The following PRDM16 variants were observed in gnomAD, a reference collection of about 807,000 sequenced individuals.
PRDM16 encodes the protein histone-lysine N-methyltransferase PRDM16.
A neutral mutation model predicts 110.6 loss-of-function variants in PRDM16; 23 were observed. The ratio of observed to expected loss-of-function variants is 0.21; its 90% CI spans 0.15 to 0.29. PRDM16 has a LOEUF of 0.29. Ranked by LOEUF, PRDM16 falls within the 10% of genes least tolerant of loss-of-function variation. The pLI, the probability that PRDM16 is intolerant of heterozygous loss-of-function variation, is 1.00. For synonymous variants in PRDM16, 799 were observed against 781.8 expected (o/e 1.02, Z -0.37); for missense variants, 1,615 against 1,794.3 (o/e 0.90, Z 1.81).
intron 2 of PRDM16, among the ~76,000 whole-genome samples, chr1:3,212,024 C>T (rs1210273207): frequency 6.6e-6 from 1 of 152,186 alleles, no homozygotes; most frequent in East Asian, 1.9e-4. Context: ...TGGATTAATC[C>T]TCGCGTCGTC....
At chr1:3,134,388 G>A (rs1454264146) in intron 1 of PRDM16, among the ~76,000 whole-genome samples, 1 of 152,268 alleles carries the variant, frequency 6.6e-6, no homozygotes, top group Non-Finnish European at 1.5e-5. Context: ...ACGGGCATGG[G>A]CTGGGCGGGG....
intron 3 of PRDM16, among the ~76,000 whole-genome samples, chr1:3,314,284 G>T (rs939452070): frequency 1.3e-5 from 2 of 152,144 alleles, no homozygotes; most frequent in Non-Finnish European, 2.9e-5. Context: ...GCATCACTCT[G>T]GGTGGCTCCT....
At chr1:3,150,430 G>A (rs372544733) in intron 1 of PRDM16, among the ~76,000 whole-genome samples, 25 of 151,244 alleles carry the variant, frequency 1.7e-4, no homozygotes, top group African/African-American at 3.9e-4. Context: ...GTGGTGGCCC[G>A]TGCCTGTAGT....
rs1313661100 is a variant in PRDM16, at chr1:3,108,047, T to C, written c.37+38751T>C. Among the ~76,000 whole-genome samples the C allele has an allele frequency of 3.3e-5, 5 of 152,220 alleles. No homozygotes were observed. In the South Asian group the frequency reaches 1.0e-3, roughly 32 times the overall value. On this transcript the variant is annotated intron_variant, in intron 1 of 16. Transcript: ENST00000270722. ...CCAGGCCATGCCAAACTGATTCCTT[T>C]CTCCAGACAAACCTTGAGTTGGGAG...
At chr1:3,077,212 C>T (rs566615235) in intron 1 of PRDM16, among the ~76,000 whole-genome samples, 21 of 152,314 alleles carry the variant, frequency 1.4e-4, no homozygotes, top group East Asian at 7.7e-4. Flanking sequence ...AGGCTGCTGG[C>T]GAGGTCTCCC....
chr1:3,100,483 A>G (rs1339374099), intron 1 of PRDM16, among the ~76,000 whole-genome samples: 1 of 151,856 alleles, frequency 6.6e-6, no homozygotes, highest in Non-Finnish European at 1.5e-5. Flanking sequence ...GCTGCTCTCT[A>G]TGGAGCCCCT....
At chr1:3,283,283 C>T (rs975970751) in intron 3 of PRDM16, among the ~76,000 whole-genome samples, 3 of 152,208 alleles carry the variant, frequency 2.0e-5, no homozygotes, top group African/African-American at 7.2e-5. Context: ...CTGTCCAGGC[C>T]TTGGCCAGGG....
rs56699922 is a variant in PRDM16, at chr1:3,089,468, C to T, written c.37+20172C>T. Among the ~76,000 whole-genome samples the T allele has an allele frequency of 6.3e-3, 958 of 152,342 alleles. 8 individuals carry two copies. The highest frequency in any genetic ancestry group is 0.022 in the African/African-American group (894 of 41,560). ...AGAGCTGGTTAGCAGGAGGCGGAAGCGGGTGGAAACTTCTCAGAGCACAGT... is the reference window on the plus strand; with the variant it reads ...AGAGCTGGTTAGCAGGAGGCGGAAGTGGGTGGAAACTTCTCAGAGCACAGT... On this transcript the variant is annotated intron_variant, in intron 1 of 16. Coordinates refer to ENST00000270722, the MANE Select transcript of PRDM16 (RefSeq NM_022114.4).
At chr1:3,298,513 G>GC (rs1219889937) in intron 3 of PRDM16, among the ~76,000 whole-genome samples, 2 of 152,202 alleles carry the variant, frequency 1.3e-5, no homozygotes, top group Non-Finnish European at 2.9e-5. Context: ...CCACCCCCCG[G>GC]CCCGGAGAGG....
intron 3 of PRDM16, among the ~76,000 whole-genome samples, chr1:3,342,633 C>T (rs1642293530): frequency 6.6e-6 from 1 of 152,202 alleles, no homozygotes; most frequent in Non-Finnish European, 1.5e-5. Context: ...CTCCTGGTCT[C>T]TTCCAGTCAA....
Position 3,181,899 on chromosome 1 carries a change from C to T in PRDM16, c.38-4226C>T, listed in dbSNP as rs61759176. Among the ~76,000 whole-genome samples, 273 of 84,294 alleles carry T rather than the reference C, an allele frequency of 3.2e-3. 4 individuals are homozygous for T. The highest frequency in any genetic ancestry group is 9.4e-3 in the African/African-American group (254 of 26,928). 55.3% of individuals were successfully genotyped at this position (84,294 alleles called of 152,430 possible). The stretch of plus-strand genomic sequence containing the variant: ...GGTCTTGCACACGCAGTCTTACACA[C>T]GGTCTTACACACGCAGTCTTACACA... On this transcript the variant is annotated intron_variant, in intron 1 of 16. Coordinates refer to ENST00000270722, the MANE Select transcript of PRDM16 (RefSeq NM_022114.4).
intron 3 of PRDM16, among the ~76,000 whole-genome samples, chr1:3,312,212 C>G (rs565352255): frequency 1.3e-5 from 2 of 152,362 alleles, no homozygotes; most frequent in South Asian, 4.1e-4. Flanking sequence ...ATCTCGGGCC[C>G]TCAGTGGACA....
chr1:3,368,817 T>C (rs1477712194), intron 3 of PRDM16, among the ~76,000 whole-genome samples: 1 of 152,162 alleles, frequency 6.6e-6, no homozygotes, highest in Admixed American at 6.5e-5. Flanking sequence ...CCCATCTTTG[T>C]CTTTTTCAAC....
rs1313349613 is a variant in PRDM16, at chr1:3,402,772, C to G, written c.677-19C>G. On this transcript the variant is annotated intron_variant, in intron 5 of 16. Coordinates refer to ENST00000270722, the MANE Select transcript of PRDM16 (RefSeq NM_022114.4). The stretch of plus-strand genomic sequence containing the variant: ...GGGTCTCCAGCTCACTCACCACCAC[C>G]TCGTTCTCTCTCTTGCAGAGGAGCC... 6.2e-7 allele frequency: 1 copy of G among 1,600,894 alleles called. No homozygotes were observed. Among genetic ancestry groups the G allele is most frequent in the East Asian group, 2.2e-5 (1 of 44,598 alleles).
chr1:3,165,589 G>T (rs1271116258), intron 1 of PRDM16, among the ~76,000 whole-genome samples: 2 of 117,584 alleles, frequency 1.7e-5, no homozygotes, highest in Admixed American at 1.6e-4. Context: ...ACTCACCTGG[G>T]CCCAGGGACA....
At chr1:3,095,258 G>C (rs1055884584) in intron 1 of PRDM16, among the ~76,000 whole-genome samples, 49 of 152,212 alleles carry the variant, frequency 3.2e-4, no homozygotes, top group Non-Finnish European at 2.9e-5. Flanking sequence ...CCCTGCAGCT[G>C]GGTTGAGGTG....
rs922933938 is a variant in PRDM16, at chr1:3,100,920, C to T, written c.37+31624C>T. On this transcript the variant is annotated intron_variant, in intron 1 of 16. Coordinates refer to ENST00000270722, the MANE Select transcript of PRDM16 (RefSeq NM_022114.4). ...CCGGGGAGGAGCTTGTTCAAGGTGA[C>T]GGGTGGCACTTGGTCATGTGGGTGC... is the stretch of plus-strand genomic sequence containing the variant. Among the ~76,000 whole-genome samples the T allele has an allele frequency of 5.0e-4, 74 of 146,788 alleles. 3 individuals carry two copies. Among genetic ancestry groups the T allele is most frequent in the South Asian group, 2.2e-4 (1 of 4,490 alleles).
At chr1:3,289,166 G>T (rs1023405639) in intron 3 of PRDM16, among the ~76,000 whole-genome samples, 1 of 152,220 alleles carries the variant, frequency 6.6e-6, no homozygotes, top group Non-Finnish European at 1.5e-5. Context: ...ACACCTCTGC[G>T]TGGAGGGAGA....
intron 3 of PRDM16, among the ~76,000 whole-genome samples, chr1:3,325,003 G>A (rs1641856274): frequency 6.6e-6 from 1 of 152,172 alleles, no homozygotes; most frequent in African/African-American, 2.4e-5. Flanking sequence ...TCACCTGGTA[G>A]CGCACAGTTT....
Sources: gnomAD v4.1 joint callset for allele counts (sites outside exome capture counted in the v4.1 genomes callset) on GRCh38, gnomAD v4.1.1 for gene constraint, MANE v1.5 for transcripts, NCBI Gene and HGNC (gene_info 2026-07-23, HGNC 2026-07-21) for gene names.